RBFOX2: variants seen among roughly 807,000 people sequenced by gnomAD.
RBFOX2 encodes RNA binding protein fox-1 homolog 2.
In RBFOX2, 10 loss-of-function variants were observed where a neutral mutation model predicts 49.1. That is an observed-to-expected ratio of 0.20 (90% confidence interval 0.13 to 0.35). RBFOX2 has a LOEUF of 0.35. Ranked by LOEUF, RBFOX2 falls within the 10% of genes least tolerant of loss-of-function variation. The probability of loss-of-function intolerance (pLI) is 1.00; values close to 1 mark genes in which losing one functional copy is unlikely to be tolerated. For synonymous variants in RBFOX2, 183 were observed against 187.4 expected, an observed-to-expected ratio of 0.98 and a Z score of 0.19; for missense variants, 323 against 486.9, an observed-to-expected ratio of 0.66 and a Z score of 3.17.
chr22:35,939,299 T>C, upstream of RBFOX2: 1 of 460,842 alleles, frequency 2.2e-6, no homozygotes, highest in Non-Finnish European at 4.3e-6. Context: ...AAAAACTTGT[T>C]GGTTTATTTC....
chr22:35,890,723 T>G lies in RBFOX2; in HGVS notation c.-34+48124A>C, dbSNP rs572882946. On this transcript the variant is annotated intron_variant, in intron 1 of 13. Transcript: ENST00000359369. ...TTACTGAAATATCTGCTTTCTCATCTGTAAAATGAAGATAATAGCTAACAC... is the reference window on the plus strand; with the variant it reads ...TTACTGAAATATCTGCTTTCTCATCGGTAAAATGAAGATAATAGCTAACAC... 6.0e-4 allele frequency among the ~76,000 whole-genome samples: 91 copies of G among 152,284 alleles called. 1 individual carries two copies. The Middle Eastern group carries it at 0.014, about 23-fold the overall frequency.
intron 1 of RBFOX2, among the ~76,000 whole-genome samples, chr22:35,978,458 A>C (rs1242820777): frequency 6.6e-6 from 1 of 152,224 alleles, no homozygotes; most frequent in African/African-American, 2.4e-5. Context: ...AGCAATATGC[A>C]TACCCACCAC....
intron 1 of RBFOX2, among the ~76,000 whole-genome samples, chr22:35,930,554 G>C (rs1015556175): frequency 6.6e-6 from 1 of 151,926 alleles, no homozygotes; most frequent in Non-Finnish European, 1.5e-5. Flanking sequence ...TTCTGGGCAG[G>C]CGCAGTGGCT....
At chr22:35,878,497 T>A (rs1363042890) in intron 1 of RBFOX2, among the ~76,000 whole-genome samples, 1 of 152,070 alleles carries the variant, frequency 6.6e-6, no homozygotes, top group East Asian at 1.9e-4. Flanking sequence ...TTTGACCTCC[T>A]GGGCTCAAGC....
intron 1 of RBFOX2, among the ~76,000 whole-genome samples, chr22:35,884,046 C>G (rs1293838438): frequency 9.0e-6 from 1 of 111,282 alleles, no homozygotes; most frequent in Non-Finnish European, 1.7e-5. Context: ...GTCTCGCTCT[C>G]TTGCTCAAGT....
chr22:35,793,016 A>G (rs1312716780), intron 2 of RBFOX2, among the ~76,000 whole-genome samples: 1 of 152,212 alleles, frequency 6.6e-6, no homozygotes, highest in Non-Finnish European at 1.5e-5. Flanking sequence ...TACAGGCCTA[A>G]GCTTCCCAGG....
At position 35,928,252 on chromosome 22, in the gene RBFOX2, G is replaced by C. The variant is rs552484785; in HGVS notation, c.-34+10595C>G. On this transcript the variant is annotated intron_variant, in intron 1 of 13. Coordinates refer to the RBFOX2 transcript ENST00000359369. ...TATGTGTGTGTGTCTGTGTCTGTTG[G>C]GGGGGCAGGGGTGTCTGTCTGTCTG... 1.6e-4 allele frequency among the ~76,000 whole-genome samples: 24 copies of C among 152,194 alleles called. No homozygotes were observed. In the East Asian group the frequency reaches 4.1e-3, roughly 26 times the overall value.
At chr22:35,817,904 C>T (rs1162986538) in intron 1 of RBFOX2, among the ~76,000 whole-genome samples, 1 of 151,746 alleles carries the variant, frequency 6.6e-6, no homozygotes, top group Non-Finnish European at 1.5e-5. Flanking sequence ...CAGTTACAGG[C>T]TTGGCCAACA....
Position 35,899,386 on chromosome 22 carries a change from G to C in RBFOX2, c.-34+39461C>G, listed in dbSNP as rs529315781. 1.3e-4 allele frequency among the ~76,000 whole-genome samples: 20 copies of C among 151,930 alleles called. 1 individual carries two copies. The South Asian group carries it at 3.5e-3, about 27-fold the overall frequency. ...GGGCTTGTAAATTCCTATTATAAATGCATCTATTTCTTTTCTGATCATAAT... is the reference window on the plus strand; with the variant it reads ...GGGCTTGTAAATTCCTATTATAAATCCATCTATTTCTTTTCTGATCATAAT... On this transcript the variant is annotated intron_variant, in intron 1 of 13. Transcript: ENST00000359369.
At chr22:35,801,562 C>G (rs537847071) in intron 2 of RBFOX2, among the ~76,000 whole-genome samples, 2 of 152,256 alleles carry the variant, frequency 1.3e-5, no homozygotes, top group African/African-American at 4.8e-5. Context: ...GAGTGACTCA[C>G]ACCTGCAATC....
rs912330283 is a variant in RBFOX2, at chr22:35,956,056, G to A, written c.42+5507C>T. 3.3e-5 allele frequency among the ~76,000 whole-genome samples: 5 copies of A among 152,050 alleles called. 1 individual carries two copies. Among genetic ancestry groups the A allele is most frequent in the Non-Finnish European group, 7.4e-5 (5 of 68,014 alleles). On this transcript the variant is annotated intron_variant, in intron 1 of 5. Transcript: ENST00000408983. ...GTTAATATAAAAATTCATTGATCTT[G>A]TACTTGGAATAGATTTTTTTTGCCT...
chr22:35,869,222 G>A (rs1362035864), intron 1 of RBFOX2, among the ~76,000 whole-genome samples: 1 of 152,010 alleles, frequency 6.6e-6, no homozygotes, highest in Non-Finnish European at 1.5e-5. Context: ...TTGTTGTGGT[G>A]CGATCTCGGC....
chr22:35,846,164 A>T (rs1035440707), intron 1 of RBFOX2, among the ~76,000 whole-genome samples: 2 of 149,960 alleles, frequency 1.3e-5, no homozygotes, highest in Non-Finnish European at 3.0e-5. Flanking sequence ...AATTACATAC[A>T]CTATAATTAT....
chr22:35,963,059 C>CAAA (rs34027896), upstream of RBFOX2, among the ~76,000 whole-genome samples: 16 of 33,594 alleles, frequency 4.8e-4, 1 homozygote, highest in African/African-American at 1.5e-3. Flanking sequence ...AACTCTCCAG[C>CAAA]AAAAAAAAAA....
At position 35,951,145 on chromosome 22, in the gene RBFOX2, G is replaced by A. The variant is rs375992485; in HGVS notation, c.42+10418C>T. Among the ~76,000 whole-genome samples, 8 of 151,078 alleles carry A rather than the reference G, an allele frequency of 5.3e-5. No individual in the cohort carries two copies. In the East Asian group the frequency reaches 1.6e-3, roughly 29 times the overall value. Reference sequence around the variant, plus strand: ...AATTTTTTGTATTTTTAGTAGAGACGGGGTTTCACCGTGTTAGCCAGGATG... The same window carrying A: ...AATTTTTTGTATTTTTAGTAGAGACAGGGTTTCACCGTGTTAGCCAGGATG... On this transcript the variant is annotated intron_variant, in intron 1 of 5. Coordinates refer to the RBFOX2 transcript ENST00000408983.
intron 2 of RBFOX2, among the ~76,000 whole-genome samples, chr22:35,790,112 A>T (rs570002697): frequency 6.6e-6 from 1 of 152,346 alleles, no homozygotes; most frequent in Non-Finnish European, 1.5e-5. Context: ...CATGTATTCA[A>T]AACTGGATCT....
chr22:35,810,678 A>G lies in RBFOX2; in HGVS notation c.28-674T>C, dbSNP rs75328871. On this transcript the variant is annotated intron_variant, in intron 1 of 11. Coordinates refer to ENST00000405409, the Ensembl canonical transcript of RBFOX2. The stretch of plus-strand genomic sequence containing the variant: ...GTAAGTCCAAGTCTTTAGTCATCAA[A>G]TCAGCAAAAAAATTAAGCAGTTTTA... Among the ~76,000 whole-genome samples, 317 of 152,354 alleles carry G rather than the reference A, an allele frequency of 2.1e-3. 5 individuals are homozygous for G. In the East Asian group the frequency reaches 0.054, roughly 26 times the overall value.
chr22:35,815,403 T>C (rs929447395), intron 1 of RBFOX2, among the ~76,000 whole-genome samples: 6 of 152,192 alleles, frequency 3.9e-5, no homozygotes, highest in African/African-American at 1.2e-4. Flanking sequence ...CAAAATATAA[T>C]TGTCTTCATA....
At position 35,783,232 on chromosome 22, in the gene RBFOX2, A is replaced by G. The variant is rs1456301449; in HGVS notation, c.253-1486T>C. Among the ~76,000 whole-genome samples, 3 of 152,296 alleles carry G rather than the reference A, an allele frequency of 2.0e-5. No individual in the cohort carries two copies. In the East Asian group the frequency reaches 5.8e-4, roughly 29 times the overall value. On this transcript the variant is annotated intron_variant, in intron 2 of 11. Coordinates refer to ENST00000405409, the Ensembl canonical transcript of RBFOX2. ...GTTCCCATGTTACACAGGAGGAGAC[A>G]GAACAGGGAGCTCTCCGTGGGCCAC...
Sources: gnomAD v4.1 joint callset for allele counts (sites outside exome capture counted in the v4.1 genomes callset) on GRCh38, gnomAD v4.1.1 for gene constraint, MANE v1.5 for transcripts, NCBI Gene and HGNC (gene_info 2026-07-23, HGNC 2026-07-21) for gene names.